Variants in CCNY observed in about 807,000 individuals in gnomAD.
CCNY encodes cyclin Y, also known as cyclin-Y.
In CCNY, 19 loss-of-function variants were observed where a neutral mutation model predicts 42.8. The observed-to-expected ratio is 0.44, with a 90% CI of 0.31 to 0.65. The LOEUF (loss-of-function observed/expected upper bound fraction) is 0.65, where lower values mean the gene tolerates loss of function less well. CCNY is among the 30% of genes least tolerant of loss of function. The pLI is 0.07. For missense variants in CCNY, 370 were observed against 437.3 expected (o/e 0.85, Z 1.37); for synonymous variants, 165 against 162.7 (o/e 1.01, Z -0.11).
chr10:35,327,400 T>C (rs959738741), intron 3 of CCNY, among the ~76,000 whole-genome samples: 2 of 152,216 alleles, frequency 1.3e-5, no homozygotes, highest in African/African-American at 4.8e-5. Flanking sequence ...TTATCATTCA[T>C]GGGCATTTAG....
chr10:35,512,930 T>C (rs1840352372), intron 3 of CCNY, among the ~76,000 whole-genome samples: 1 of 152,182 alleles, frequency 6.6e-6, no homozygotes, highest in Non-Finnish European at 1.5e-5. Flanking sequence ...CATCCTGCGC[T>C]TTGATCGTAT....
Position 35,569,039 on chromosome 10 carries a change from T to A in CCNY, c.910-15T>A. The A allele has an allele frequency of 6.4e-7, 1 of 1,565,790 alleles. No individual in the cohort carries two copies. Among genetic ancestry groups the A allele is most frequent in the Non-Finnish European group, 8.8e-7 (1 of 1,136,828 alleles). On this transcript the variant is annotated splice_polypyrimidine_tract_variant and intron_variant, in intron 9 of 9. Coordinates refer to ENST00000374704, the MANE Select transcript of CCNY (RefSeq NM_145012.6). Reference sequence around the variant, plus strand: ...ATGGCCCGCCCTGACCCACACTGTCTTTCTTGCCCCTCAGGCCATCTCTCG... The same window carrying A: ...ATGGCCCGCCCTGACCCACACTGTCATTCTTGCCCCTCAGGCCATCTCTCG...
chr10:35,483,583 CT>C (rs990436749), intron 2 of CCNY, 105 bp downstream of exon 2: 1 of 713,712 alleles, frequency 1.4e-6, no homozygotes, highest in African/African-American at 1.8e-5. Flanking sequence ...AATAGAGTCC[CT>C]TTAGTGACCC....
intron 3 of CCNY, among the ~76,000 whole-genome samples, chr10:35,279,327 TG>T (rs1835273936): frequency 1.3e-5 from 2 of 152,044 alleles, no homozygotes; most frequent in Admixed American, 1.3e-4. Flanking sequence ...TTGGCCAGTC[TG>T]GTCTTGAACT....
intron 3 of CCNY, among the ~76,000 whole-genome samples, chr10:35,320,370 T>G (rs535844432): frequency 2.0e-5 from 3 of 152,194 alleles, no homozygotes; most frequent in Non-Finnish European, 4.4e-5. Context: ...AAAAACCATA[T>G]ATGATTCTCT....
At chr10:35,424,094 C>G (rs1310767356) in intron 1 of CCNY, among the ~76,000 whole-genome samples, 1 of 152,114 alleles carries the variant, frequency 6.6e-6, no homozygotes, top group East Asian at 1.9e-4. Context: ...AGCCTCGTTT[C>G]TCATCTGTCA....
upstream of CCNY, among the ~76,000 whole-genome samples, chr10:35,332,616 T>G (rs1240587912): frequency 6.6e-6 from 1 of 152,216 alleles, no homozygotes; most frequent in Non-Finnish European, 1.5e-5. Flanking sequence ...TCATCTGAGT[T>G]TTTTTTGAGA....
At chr10:35,436,628 C>T (rs1838539896) in intron 1 of CCNY, among the ~76,000 whole-genome samples, 1 of 152,174 alleles carries the variant, frequency 6.6e-6, no homozygotes, top group African/African-American at 2.4e-5. Flanking sequence ...CCACATGTTG[C>T]TCTTTTCCTC....
intron 8 of CCNY, among the ~76,000 whole-genome samples, chr10:35,557,200 A>G (rs1418174889): frequency 1.3e-5 from 2 of 152,216 alleles, no homozygotes; most frequent in Non-Finnish European, 2.9e-5. Context: ...AGTATTCATT[A>G]GAGACTGAAT....
chr10:35,329,672 T>C (rs1328060394), intron 3 of CCNY, among the ~76,000 whole-genome samples: 1 of 152,116 alleles, frequency 6.6e-6, no homozygotes, highest in Non-Finnish European at 1.5e-5. Flanking sequence ...ATTAAAGACA[T>C]GCAGAGGTGG....
intron 3 of CCNY, among the ~76,000 whole-genome samples, chr10:35,295,592 C>A (rs533654032): frequency 5.3e-5 from 8 of 152,208 alleles, no homozygotes; most frequent in Admixed American, 1.3e-4. Context: ...TTACCCTACC[C>A]CAGCCCCTGA....
In CCNY at chr10:35,425,356, G is replaced by A. The variant is rs186227221; in HGVS notation, c.155-58048G>A. On this transcript the variant is annotated intron_variant, in intron 1 of 9. Coordinates refer to ENST00000374704, the MANE Select transcript of CCNY (RefSeq NM_145012.6). Reference sequence around the variant, plus strand: ...CTCGTAAACTGGTACTTCCTGATTGGAAGGCGGCTGTTTAAATTTATTCAT... The same window carrying A: ...CTCGTAAACTGGTACTTCCTGATTGAAAGGCGGCTGTTTAAATTTATTCAT... 5.4e-4 allele frequency among the ~76,000 whole-genome samples: 83 copies of A among 152,304 alleles called. 1 individual carries two copies. In the East Asian group the frequency reaches 0.013, roughly 23 times the overall value.
intron 3 of CCNY, among the ~76,000 whole-genome samples, chr10:35,507,436 G>T (rs1385150956): frequency 6.6e-6 from 1 of 152,082 alleles, no homozygotes; most frequent in African/African-American, 2.4e-5. Flanking sequence ...CTTGGTCATT[G>T]TCTTTTATTA....
chr10:35,482,489 C>T (rs1212877740), intron 1 of CCNY, among the ~76,000 whole-genome samples: 1 of 152,068 alleles, frequency 6.6e-6, no homozygotes, highest in Non-Finnish European at 1.5e-5. Flanking sequence ...TGATGGCATT[C>T]TAAGTTGTTT....
chr10:35,506,762 A>G (rs1840224068), intron 3 of CCNY, among the ~76,000 whole-genome samples: 1 of 152,158 alleles, frequency 6.6e-6, no homozygotes, highest in Non-Finnish European at 1.5e-5. Flanking sequence ...TGTTGTTATG[A>G]TTTAGCCTGG....
rs574230335 is a variant in CCNY, at chr10:35,554,504, A to G, written c.746+1319A>G. ...AAAATAGTTGTCATTCATATCATAA[A>G]GGAGGTGGACATTTGGGTGCGAGGT... On this transcript the variant is annotated intron_variant, in intron 8 of 9. Coordinates refer to ENST00000374704, the MANE Select transcript of CCNY (RefSeq NM_145012.6). 2.6e-5 allele frequency among the ~76,000 whole-genome samples: 4 copies of G among 152,358 alleles called. No homozygotes were observed. In the East Asian group the frequency reaches 7.7e-4, roughly 29 times the overall value.
rs556011545 is a variant in CCNY at position 35,505,633 on chromosome 10, G to A, written c.264+4098G>A. ...AAATCTCAGTTTTCTTATCTCCTAG[G>A]GTGGGTCATAATTCCAGACCTACTT... On this transcript the variant is annotated intron_variant, in intron 3 of 9. Transcript: ENST00000374704. Among the ~76,000 whole-genome samples, 3 of 152,224 alleles carry A rather than the reference G, an allele frequency of 2.0e-5. No homozygotes were observed. The East Asian group carries it at 5.8e-4, about 29-fold the overall frequency.
At chr10:35,432,787 C>T (rs573184412) in intron 1 of CCNY, among the ~76,000 whole-genome samples, 37 of 152,126 alleles carry the variant, frequency 2.4e-4, no homozygotes, top group Non-Finnish European at 5.1e-4. Flanking sequence ...TTCTGTTCTC[C>T]CTAGGAAAAA....
intron 1 of CCNY, among the ~76,000 whole-genome samples, chr10:35,369,294 C>T (rs1338644438): frequency 6.6e-6 from 1 of 152,152 alleles, no homozygotes; most frequent in Non-Finnish European, 1.5e-5. Flanking sequence ...GACCTTGGAC[C>T]GTATTTCCTC....
Sources: allele counts gnomAD v4.1 joint callset (sites outside exome capture counted in the v4.1 genomes callset), GRCh38; gene constraint gnomAD v4.1.1; transcripts MANE v1.5; gene names NCBI Gene and HGNC (gene_info 2026-07-23, HGNC 2026-07-21).